Variants in SMPD4 observed in about 807,000 individuals in gnomAD.
SMPD4 encodes the protein sphingomyelin phosphodiesterase 4.
In SMPD4, 58 loss-of-function variants were observed where a neutral mutation model predicts 97.8. That is an observed-to-expected ratio of 0.59 (90% confidence interval 0.48 to 0.74). SMPD4 has a LOEUF of 0.74. SMPD4 is among the 30% of genes least tolerant of loss of function. The probability of loss-of-function intolerance (pLI) is 0.00; values close to 1 mark genes in which losing one functional copy is unlikely to be tolerated. For missense variants in SMPD4, 853 were observed against 1,080.5 expected, an observed-to-expected ratio of 0.79 and a Z score of 2.95; for synonymous variants, 388 against 450.0, an observed-to-expected ratio of 0.86 and a Z score of 1.74.
Position 130,153,387 on chromosome 2 carries a change from T to C in SMPD4, c.1957A>G (p.Lys653Glu), listed in dbSNP as rs1686426455. Reference sequence around the variant, plus strand: ...ACGATGCAGTCGGGGAGTTGCTTTTTTCCATTCTCATCCTGGGTGGTGCCC... The same window carrying C: ...ACGATGCAGTCGGGGAGTTGCTTTTCTCCATTCTCATCCTGGGTGGTGCCC... The part of the protein sequence containing the change: ...ALGTTQDENG[K>E]KQLPDCIVGE... The change falls in exon 18 of 20, where the codon AAA (lysine) becomes GAA (glutamate). Residue 653 changes from lysine to glutamate, a missense_variant. Lys to Glu is a moderately conservative substitution (Grantham distance 56). This residue lies in a region of SMPD4 where 511 missense variants were observed against 608.1 expected (regional missense o/e 0.84). Transcript: ENST00000680298. 2.5e-6 allele frequency: 4 copies of C among 1,613,860 alleles called. No individual in the cohort carries two copies. Among genetic ancestry groups the C allele is most frequent in the Non-Finnish European group, 2.5e-6 (3 of 1,180,000 alleles).
chr2:130,181,314 A>C, intron 1 of SMPD4: 2 of 1,419,948 alleles, frequency 1.4e-6, no homozygotes. Context: ...GACAGAGTGT[A>C]CGAGCCGCGC....
intron 13 of SMPD4, 116 bp downstream of exon 13, chr2:130,156,469 T>A: frequency 9.5e-7 from 1 of 1,054,622 alleles, no homozygotes; most frequent in Non-Finnish European, 1.4e-6. Context: ...CAAGACCCCC[T>A]CCTTGCCAAG....
rs1267232611 is a variant in SMPD4, at chr2:130,181,450, A to G, written c.-46+80T>C. 2.0e-6 allele frequency: 3 copies of G among 1,527,220 alleles called. No homozygotes were observed. In the African/African-American group the frequency reaches 4.1e-5, roughly 21 times the overall value. 94.6% of individuals were successfully genotyped at this position (1,527,220 alleles called of 1,614,324 possible). On this transcript the variant is annotated intron_variant, in intron 1 of 19. Coordinates refer to ENST00000680298, the MANE Select transcript of SMPD4 (RefSeq NM_017951.5). Reference sequence around the variant, plus strand: ...GCCCGAGTCCTGGGGCTCGCGGAGGAACGGAGATGGCCTCCGCAGGGGCTC... The same window carrying G: ...GCCCGAGTCCTGGGGCTCGCGGAGGGACGGAGATGGCCTCCGCAGGGGCTC...
At chr2:130,160,801 A>G (rs1687320323) in intron 11 of SMPD4, among the ~76,000 whole-genome samples, 1 of 151,818 alleles carries the variant, frequency 6.6e-6, no homozygotes, top group African/African-American at 2.4e-5. Flanking sequence ...GCTCCTTCCT[A>G]AGCGCCAGAC....
At position 130,181,512 on chromosome 2, in the gene SMPD4, G is replaced by C; in HGVS notation, c.-46+18C>G. The C allele has an allele frequency of 6.3e-7, 1 of 1,595,002 alleles. No homozygotes were observed. The highest frequency in any genetic ancestry group is 8.5e-7 in the Non-Finnish European group (1 of 1,172,006). ...CAGGGCGCCGGACCGTCTCAGGCGC[G>C]CATCCCGCGCCACTCACCTGTGGGA... On this transcript the variant is annotated intron_variant, in intron 1 of 19. Transcript: ENST00000680298.
At chr2:130,158,803 C>A (rs1453571584) in intron 11 of SMPD4, among the ~76,000 whole-genome samples, 2 of 152,114 alleles carry the variant, frequency 1.3e-5, no homozygotes, top group Non-Finnish European at 2.9e-5. Context: ...GCCCTTTGGG[C>A]CGTAACACAT....
At chr2:130,167,332 G>A (rs906929250) in intron 9 of SMPD4, 126 bp downstream of exon 9, 101 of 1,334,772 alleles carry the variant, frequency 7.6e-5, no homozygotes, top group South Asian at 2.6e-5. Context: ...TGCTGGCCAG[G>A]TTGGTCCCAA....
In SMPD4 at chr2:130,171,217, G is replaced by A. The variant is rs184385941; in HGVS notation, c.659+1132C>T. Among the ~76,000 whole-genome samples the A allele has an allele frequency of 1.2e-4, 18 of 147,950 alleles. No individual in the cohort carries two copies. The East Asian group carries it at 2.4e-3, about 20-fold the overall frequency. On this transcript the variant is annotated intron_variant, in intron 8 of 19. Coordinates refer to ENST00000680298, the MANE Select transcript of SMPD4 (RefSeq NM_017951.5). ...CCTCCCGGGTTCAAGCAATTCTCCC[G>A]CCTCAACCTCCTGAGTAGCTGGGAT... is the stretch of plus-strand genomic sequence containing the variant.
intron 1 of SMPD4, among the ~76,000 whole-genome samples, chr2:130,177,230 A>G (rs936663933): frequency 1.4e-4 from 22 of 152,194 alleles, no homozygotes; most frequent in Admixed American, 1.4e-3. Flanking sequence ...ACAGGCAAAC[A>G]TCAACAAGCC....
At chr2:130,171,594 G>A (rs1340030413) in intron 8 of SMPD4, among the ~76,000 whole-genome samples, 2 of 151,974 alleles carry the variant, frequency 1.3e-5, no homozygotes, top group Non-Finnish European at 2.9e-5. Context: ...CCTGGGCAGC[G>A]TCTCCTCCTT....
rs1687742123 is a variant in SMPD4, at chr2:130,164,555, T to C, written c.793-110A>G. 1.1e-5 allele frequency: 9 copies of C among 847,932 alleles called. No individual in the cohort carries two copies. The South Asian group carries it at 1.1e-4, about 11-fold the overall frequency. The allele number at this position is 847,932 out of a possible 1,614,324, so 52.5% of individuals were successfully genotyped here. ...CAGAGCTGGGAACACAGAATACCCA[T>C]GTGCAGAACAGTGAAGCTGGGCCCT... On this transcript the variant is annotated intron_variant, in intron 9 of 19. Transcript: ENST00000680298.
chr2:130,174,517 G>A (rs776018692), intron 3 of SMPD4, among the ~76,000 whole-genome samples: 2 of 152,190 alleles, frequency 1.3e-5, no homozygotes, highest in Non-Finnish European at 2.9e-5. Context: ...ATTTACATCA[G>A]GGTTTCTCAA....
At chr2:130,159,964 C>G (rs1687230598) in intron 11 of SMPD4, among the ~76,000 whole-genome samples, 1 of 152,204 alleles carries the variant, frequency 6.6e-6, no homozygotes, top group Non-Finnish European at 1.5e-5. Flanking sequence ...ACATGGAACC[C>G]TCTCAGGCTA....
At position 130,152,738 on chromosome 2, in the gene SMPD4, G is replaced by A; in HGVS notation, c.2301C>T (p.Pro767=). The change falls in exon 20 of 20, where the codon CCC becomes CCT. Residue 767 remains proline (P), a synonymous_variant. Transcript: ENST00000680298. ...TGCCCAGGAAGCGCAGGCTGAGCCT[G>A]GGGCCGCGGGTGTGGCCGGCCACCT... ...RRQVAGHTRG[P]RLSLRFLGSY... 2 of 1,591,266 alleles carry A rather than the reference G, an allele frequency of 1.3e-6. No homozygotes were observed. The highest frequency in any genetic ancestry group is 1.7e-6 in the Non-Finnish European group (2 of 1,170,154).
intron 1 of SMPD4, among the ~76,000 whole-genome samples, chr2:130,177,130 C>T (rs963036489): frequency 1.3e-5 from 2 of 152,108 alleles, no homozygotes; most frequent in African/African-American, 4.8e-5. Flanking sequence ...ACTCAGGCTG[C>T]AGTACAGTGG....
intron 1 of SMPD4, among the ~76,000 whole-genome samples, chr2:130,179,146 CAG>C (rs1366351125): frequency 2.9e-5 from 4 of 139,486 alleles, no homozygotes; most frequent in Admixed American, 7.5e-5. Flanking sequence ...TTTTTTGAGA[CAG>C]AGTCTCGCTC....
chr2:130,171,430 T>C (rs188844591), intron 8 of SMPD4, among the ~76,000 whole-genome samples: 1,527 of 152,002 alleles, frequency 0.01, 12 homozygotes, highest in Middle Eastern at 0.017. Context: ...ATAGAAAAAA[T>C]TAAAACAACC....
intron 11 of SMPD4, chr2:130,158,118 T>G (rs1573674988): frequency 1.3e-5 from 14 of 1,078,900 alleles, no homozygotes; most frequent in African/African-American, 1.7e-5. Flanking sequence ...CCAGCGTGGG[T>G]GAGAGTAAGA....
chr2:130,153,288 C>A lies in SMPD4; in HGVS notation c.2025+31G>T, dbSNP rs1174487227. On this transcript the variant is annotated intron_variant, in intron 18 of 19. Transcript: ENST00000680298. ...GAGCTGGGGACGGGTCAGGGCCCAG[C>A]CTGTGCGCCTCTGAGACACGGGCCT... 3 of 1,613,320 alleles carry A rather than the reference C, an allele frequency of 1.9e-6. No homozygotes were observed. In the East Asian group the frequency reaches 6.7e-5, roughly 36 times the overall value.
Sources: allele counts gnomAD v4.1 joint callset (sites outside exome capture counted in the v4.1 genomes callset), GRCh38; gene constraint gnomAD v4.1.1; regional missense constraint gnomAD v4.1.1; transcripts MANE v1.5; gene names NCBI Gene and HGNC (gene_info 2026-07-23, HGNC 2026-07-21).